Variants in RTKN2 observed in about 807,000 individuals in gnomAD.
RTKN2 encodes rhotekin-2.
RTKN2 carries 69 observed loss-of-function variants against 71.5 expected under a neutral mutation model. That is an observed-to-expected ratio of 0.96 (90% CI 0.79 to 1.18). The LOEUF (loss-of-function observed/expected upper bound fraction) is 1.18, where lower values mean the gene tolerates loss of function less well. RTKN2 is among the 50% of genes most tolerant of loss of function. The pLI is 0.00. For synonymous variants in RTKN2, 236 were observed against 236.5 expected (o/e 1.00, Z 0.02); for missense variants, 724 against 719.7 (o/e 1.01, Z -0.07).
intron 10 of RTKN2, among the ~76,000 whole-genome samples, chr10:62,200,560 T>C (rs530190271): frequency 2.0e-5 from 3 of 151,962 alleles, no homozygotes; most frequent in Admixed American, 6.6e-5. Context: ...ATTCAAGATG[T>C]TGAAAGGTTA....
intron 6 of RTKN2, among the ~76,000 whole-genome samples, chr10:62,228,221 T>A (rs1589361295): frequency 6.6e-6 from 1 of 152,234 alleles, no homozygotes; most frequent in East Asian, 1.9e-4. Flanking sequence ...ACACAAGCAC[T>A]CCATTAAATG....
At chr10:62,260,220 A>G (rs1842748747) in intron 2 of RTKN2, among the ~76,000 whole-genome samples, 1 of 152,214 alleles carries the variant, frequency 6.6e-6, no homozygotes, top group Non-Finnish European at 1.5e-5. Flanking sequence ...TCATATTTTG[A>G]CAAATTCTGT....
Position 62,198,370 on chromosome 10 carries a change from C to T in RTKN2, c.1368G>A (p.Gln456=). 1.2e-6 allele frequency: 2 copies of T among 1,608,182 alleles called. No homozygotes were observed. The highest frequency in any genetic ancestry group is 1.7e-6 in the Non-Finnish European group (2 of 1,178,302). The change falls in exon 12 of 12, where the codon CAG becomes CAA. Residue 456 remains glutamine (Q), a synonymous_variant. Transcript: ENST00000373789. The part of the protein sequence containing the change: ...IQKKIEETNG[Q]FLIGQHEESL... ...ATTCTTCATGCTGACCAATAAGGAA[C>T]TGCCCATTTGTCTCTTCAATTTTTT...
At chr10:62,200,530 T>C (rs1309376632) in intron 10 of RTKN2, among the ~76,000 whole-genome samples, 1 of 152,022 alleles carries the variant, frequency 6.6e-6, no homozygotes, top group Non-Finnish European at 1.5e-5. Flanking sequence ...TTTTCTTCTT[T>C]TGAATAGTAA....
intron 5 of RTKN2, among the ~76,000 whole-genome samples, 195 bp from the exon 6 acceptor site, chr10:62,236,458 A>G (rs1842261061): frequency 6.6e-6 from 1 of 152,032 alleles, no homozygotes; most frequent in Non-Finnish European, 1.5e-5. Flanking sequence ...ATTGTTGACG[A>G]GGGTATGGAG....
At chr10:62,185,572 T>C (rs948062869) in intron 8 of RTKN2, among the ~76,000 whole-genome samples, 3 of 151,996 alleles carry the variant, frequency 2.0e-5, no homozygotes, top group Admixed American at 1.3e-4. Flanking sequence ...TGAATGGAGA[T>C]CGTGCCACTG....
intron 3 of RTKN2, among the ~76,000 whole-genome samples, chr10:62,241,655 T>A (rs1182656324): frequency 2.6e-5 from 4 of 152,146 alleles, no homozygotes; most frequent in Non-Finnish European, 5.9e-5. Context: ...CATGGCTCAC[T>A]GCAGCCTTGA....
intron 2 of RTKN2, chr10:62,259,251 G>GT: frequency 2.3e-6 from 1 of 438,370 alleles, no homozygotes; most frequent in Non-Finnish European, 4.5e-6. Flanking sequence ...CATGTGAACC[G>GT]TGAGTGCATT....
intron 3 of RTKN2, among the ~76,000 whole-genome samples, chr10:62,242,431 T>A (rs956099705): frequency 5.3e-5 from 8 of 152,100 alleles, no homozygotes; most frequent in African/African-American, 1.9e-4. Flanking sequence ...AATATTTTTG[T>A]TTTTTGGAGG....
At chr10:62,247,646 C>T (rs911390300) in intron 2 of RTKN2, among the ~76,000 whole-genome samples, 1 of 151,880 alleles carries the variant, frequency 6.6e-6, no homozygotes, top group Non-Finnish European at 1.5e-5. Context: ...TTGCTTATTA[C>T]TTCCTCACAG....
rs770617815 is a variant in RTKN2 at position 62,262,684 on chromosome 10, C to T, written c.198G>A (p.Met66Ile). The T allele has an allele frequency of 1.2e-6, 2 of 1,613,530 alleles. No individual in the cohort carries two copies. Among genetic ancestry groups the T allele is most frequent in the South Asian group, 1.1e-5 (1 of 91,028 alleles). The change falls in exon 2 of 12, where the codon ATG (methionine) becomes ATA (isoleucine). Residue 66 changes from methionine (M) to isoleucine (I), a missense_variant. Transcript: ENST00000373789. ...ATTTCTGTAGCTCCGATGTATAGGC[C>T]ATTAGTCGAGCATTGCACACCATGA... Reference protein sequence around the residue: ...KNLMVCNARLMAYTSELQKLE... With the variant: ...KNLMVCNARLIAYTSELQKLE...
chr10:62,263,338 C>T (rs4322347), intron 1 of RTKN2, among the ~76,000 whole-genome samples: 110,814 of 152,080 alleles, frequency 0.73, 40,677 homozygotes, highest in East Asian at 0.9. Flanking sequence ...TTGATGGCAA[C>T]AATCAGAAGC....
chr10:62,185,150 C>T (rs1241476987), intron 8 of RTKN2, among the ~76,000 whole-genome samples: 1 of 151,930 alleles, frequency 6.6e-6, no homozygotes, highest in Admixed American at 6.5e-5. Context: ...GACAGCTTGA[C>T]TTGTCACTCC....
chr10:62,207,022 T>C (rs773351286), intron 9 of RTKN2, among the ~76,000 whole-genome samples: 6 of 151,948 alleles, frequency 3.9e-5, no homozygotes, highest in South Asian at 4.1e-4. Flanking sequence ...TGTTACAAAA[T>C]AAAATAAAAT....
chr10:62,254,264 T>C (rs993914796), intron 2 of RTKN2, among the ~76,000 whole-genome samples: 1 of 152,150 alleles, frequency 6.6e-6, no homozygotes, highest in Non-Finnish European at 1.5e-5. Flanking sequence ...GCTATTCTCA[T>C]GATAGTGAGT....
At chr10:62,242,128 A>G (rs1470977077) in intron 3 of RTKN2, among the ~76,000 whole-genome samples, 2 of 151,842 alleles carry the variant, frequency 1.3e-5, no homozygotes, top group Non-Finnish European at 2.9e-5. Flanking sequence ...GATTACAGGC[A>G]TGAGCCACCA....
chr10:62,209,027 T>C (rs1841604388), intron 9 of RTKN2, among the ~76,000 whole-genome samples: 1 of 152,142 alleles, frequency 6.6e-6, no homozygotes. Flanking sequence ...CCCAGCACTT[T>C]GGGAGGAAGA....
intron 2 of RTKN2, among the ~76,000 whole-genome samples, chr10:62,248,562 G>A (rs1162070411): frequency 6.6e-6 from 1 of 152,072 alleles, no homozygotes; most frequent in East Asian, 1.9e-4. Context: ...CTAGATAATA[G>A]TGGACCTTAT....
At position 62,246,032 on chromosome 10, in the gene RTKN2, G is replaced by A. The variant is rs570608570; in HGVS notation, c.283C>T (p.Arg95Ter). 14 of 1,594,536 alleles carry A rather than the reference G, an allele frequency of 8.8e-6. No homozygotes were observed. Among genetic ancestry groups the A allele is most frequent in the African/African-American group, 8.1e-5 (6 of 74,120 alleles). ...RCDVKFESKE[R>*]TACKGKIAIS... ...GCAATCTTTCCTTTACATGCTGTTCGTTCTTTACTTTCAAATTTCACATCA... is the reference window on the plus strand; with the variant it reads ...GCAATCTTTCCTTTACATGCTGTTCATTCTTTACTTTCAAATTTCACATCA... Residue 95 changes from arginine to a stop codon, truncating the protein, a stop_gained, in exon 3 of 12, where the codon CGA becomes TGA. Transcript: ENST00000373789. LOFTEE classifies it high-confidence loss of function.
Sources: allele counts gnomAD v4.1 joint callset (sites outside exome capture counted in the v4.1 genomes callset), GRCh38; gene constraint gnomAD v4.1.1; transcripts MANE v1.5; gene names NCBI Gene and HGNC (gene_info 2026-07-23, HGNC 2026-07-21).